Variants in ANK2 observed in about 807,000 individuals in gnomAD.
The protein encoded by ANK2 is ankyrin-2.
ANK2 carries 83 observed loss-of-function variants against 360.5 expected under a neutral mutation model. That is an observed-to-expected ratio of 0.23 (90% confidence interval 0.19 to 0.28). ANK2 has a LOEUF of 0.28. Ranked by LOEUF, ANK2 falls within the 10% of genes least tolerant of loss-of-function variation. The pLI, the probability that ANK2 is intolerant of heterozygous loss-of-function variation, is 1.00. For synonymous variants in ANK2, 1,740 were observed against 1,759.5 expected (o/e 0.99, Z 0.28); for missense variants, 4,201 against 4,795.7 (o/e 0.88, Z 3.66).
At chr4:112,738,101 G>A in the ANK2 span, among the ~76,000 whole-genome samples, 1 of 152,206 alleles carries the variant, frequency 6.6e-6, no homozygotes, top group South Asian at 2.1e-4. Flanking sequence ...AGTAGGCACT[G>A]TGGATACACA....
chr4:112,833,917 T>C (rs1006477741), intron 1 of ANK2, among the ~76,000 whole-genome samples: 4 of 152,254 alleles, frequency 2.6e-5, no homozygotes, highest in African/African-American at 9.6e-5. Flanking sequence ...CAGAGACAAC[T>C]GCTGTTTTTA....
At chr4:113,139,515 G>C (rs1464522759) in intron 1 of ANK2, among the ~76,000 whole-genome samples, 2 of 152,134 alleles carry the variant, frequency 1.3e-5, no homozygotes, top group African/African-American at 4.8e-5. Context: ...ATCAGTTTGG[G>C]GGGATTCTGT....
the ANK2 span, among the ~76,000 whole-genome samples, chr4:112,775,736 C>T: frequency 6.6e-6 from 1 of 151,988 alleles, no homozygotes; most frequent in Non-Finnish European, 1.5e-5. Context: ...ATAGGGAGAC[C>T]AACCTAGCGG....
chr4:112,857,925 A>T (rs2066859310), intron 1 of ANK2, among the ~76,000 whole-genome samples: 1 of 152,102 alleles, frequency 6.6e-6, no homozygotes, highest in Admixed American at 6.6e-5. Context: ...TGGTCCTAGG[A>T]CCATACTTTG....
chr4:112,804,224 G>T, the ANK2 span, among the ~76,000 whole-genome samples: 2 of 152,116 alleles, frequency 1.3e-5, no homozygotes, highest in African/African-American at 4.8e-5. Flanking sequence ...GTTTCACCGT[G>T]TTAGCTAGGA....
At chr4:112,950,052 GC>G (rs2094832047) in intron 2 of ANK2, among the ~76,000 whole-genome samples, 1 of 152,158 alleles carries the variant, frequency 6.6e-6, no homozygotes, top group African/African-American at 2.4e-5. Context: ...TGCTTGGAAT[GC>G]TTTCCCCTTT....
intron 2 of ANK2, among the ~76,000 whole-genome samples, chr4:112,920,791 T>C (rs976987681): frequency 2.0e-5 from 3 of 152,166 alleles, no homozygotes; most frequent in Non-Finnish European, 2.9e-5. Flanking sequence ...ATATTCACTA[T>C]ACCATATGGC....
At chr4:113,043,947 CT>C (rs1228169293) in intron 2 of ANK2, among the ~76,000 whole-genome samples, 1 of 152,084 alleles carries the variant, frequency 6.6e-6, no homozygotes, top group East Asian at 1.9e-4. Context: ...TATTTTTCTC[CT>C]CATCTCTTCT....
At chr4:113,258,789 A>G (rs1486485586) in intron 13 of ANK2, among the ~76,000 whole-genome samples, 1 of 152,248 alleles carries the variant, frequency 6.6e-6, no homozygotes, top group African/African-American at 2.4e-5. Flanking sequence ...AGGGAATTGT[A>G]TTCCAGGCAA....
rs575296053 is a variant in ANK2, at chr4:113,159,778, T to TATA, written c.85-14638_85-14637insATA. 6.5e-3 allele frequency among the ~76,000 whole-genome samples: 980 copies of TATA among 150,692 alleles called. 5 individuals carry two copies. Among genetic ancestry groups the TATA allele is most frequent in the South Asian group, 0.025 (120 of 4,750 alleles). ...ACCCACCACCACGCCCGGCTAATTT[T>TATA]TATATATATATATGTATTTTTGTAG... On this transcript the variant is annotated intron_variant, in intron 1 of 45. Coordinates refer to ENST00000357077, the MANE Select transcript of ANK2 (RefSeq NM_001148.6).
intron 1 of ANK2, among the ~76,000 whole-genome samples, chr4:112,876,240 A>C (rs2075070421): frequency 6.6e-6 from 1 of 152,150 alleles, no homozygotes; most frequent in African/African-American, 2.4e-5. Flanking sequence ...TGCAGCGATA[A>C]TCACAGTATC....
At chr4:113,140,236 T>C (rs547703675) in intron 1 of ANK2, among the ~76,000 whole-genome samples, 1 of 152,352 alleles carries the variant, frequency 6.6e-6, no homozygotes, top group South Asian at 2.1e-4. Flanking sequence ...CTTGGATTCA[T>C]GTGACTATGT....
intron 1 of ANK2, among the ~76,000 whole-genome samples, chr4:112,897,284 T>G (rs1424570240): frequency 6.6e-6 from 1 of 152,190 alleles, no homozygotes; most frequent in Non-Finnish European, 1.5e-5. Flanking sequence ...TTTGACCCAG[T>G]CTGCCAATAT....
chr4:113,175,066 G>A (rs1009846939), intron 2 of ANK2, among the ~76,000 whole-genome samples: 6 of 152,162 alleles, frequency 3.9e-5, no homozygotes, highest in Admixed American at 2.0e-4. Flanking sequence ...TGGTACCAAC[G>A]TTGACATTTT....
In ANK2 at chr4:112,924,341, C is replaced by T. The variant is rs185974152; in HGVS notation, c.21+19827C>T. ...TGAGATCGCACCACTGCACTCCAGC[C>T]TGGGAGACAAGGCAAGACTTCATCT... On this transcript the variant is annotated intron_variant, in intron 2 of 30. Coordinates refer to the ANK2 transcript ENST00000503271. Among the ~76,000 whole-genome samples the T allele has an allele frequency of 3.2e-3, 482 of 149,302 alleles. 3 individuals carry two copies. Among genetic ancestry groups the T allele is most frequent in the African/African-American group, 0.011 (458 of 40,452 alleles).
the ANK2 span, among the ~76,000 whole-genome samples, chr4:112,804,741 G>A: frequency 1.3e-5 from 2 of 152,060 alleles, no homozygotes; most frequent in Admixed American, 1.3e-4. Flanking sequence ...GATTGCTTGA[G>A]GCCAGGAGTT....
chr4:112,998,682 T>G (rs1198376469), intron 2 of ANK2, among the ~76,000 whole-genome samples: 1 of 152,178 alleles, frequency 6.6e-6, no homozygotes, highest in African/African-American at 2.4e-5. Flanking sequence ...TTTGGGAAAG[T>G]GTGTTAAATA....
intron 2 of ANK2, among the ~76,000 whole-genome samples, chr4:113,037,272 C>G (rs568421709): frequency 6.6e-6 from 1 of 151,884 alleles, no homozygotes; most frequent in African/African-American, 2.4e-5. Context: ...AATCAATGGA[C>G]ATAACTAAAT....
chr4:113,166,870 T>C (rs796597284), intron 1 of ANK2, among the ~76,000 whole-genome samples: 23 of 152,278 alleles, frequency 1.5e-4, no homozygotes, highest in African/African-American at 5.5e-4. Flanking sequence ...TTATACAATA[T>C]ATACCAAGGA....
Sources: allele counts gnomAD v4.1 joint callset (sites outside exome capture counted in the v4.1 genomes callset), GRCh38; gene constraint gnomAD v4.1.1; transcripts MANE v1.5; gene names NCBI Gene and HGNC (gene_info 2026-07-23, HGNC 2026-07-21).